Variants in NBPF3 observed in about 807,000 individuals in gnomAD.
NBPF3 encodes the protein NBPF member 3.
In NBPF3, 57 loss-of-function variants were observed where a neutral mutation model predicts 78.1. The ratio of observed to expected loss-of-function variants is 0.73; its 90% CI spans 0.59 to 0.91. The LOEUF is 0.91. Ranked by LOEUF, NBPF3 falls within the 40% of genes least tolerant of loss-of-function variation. The pLI is 0.00. For missense variants in NBPF3, 510 were observed against 715.3 expected (o/e 0.71, Z 3.27); for synonymous variants, 182 against 271.7 (o/e 0.67, Z 3.25).
At chr1:21,461,537 T>C (rs2147952322) in intron 2 of NBPF3, among the ~76,000 whole-genome samples, 3 of 152,314 alleles carry the variant, frequency 2.0e-5, no homozygotes, top group African/African-American at 7.2e-5. Context: ...AGTGGCACGA[T>C]CTCGGCTCTG....
intron 2 of NBPF3, among the ~76,000 whole-genome samples, chr1:21,451,242 A>G (rs1001476805): frequency 1.3e-5 from 2 of 152,224 alleles, no homozygotes; most frequent in African/African-American, 4.8e-5. Flanking sequence ...AGATACTTGA[A>G]TGTTTCCAGT....
intron 9 of NBPF3, among the ~76,000 whole-genome samples, chr1:21,478,838 C>A (rs1292355763): frequency 2.0e-5 from 3 of 152,162 alleles, no homozygotes; most frequent in African/African-American, 4.8e-5. Context: ...CATCATCTTG[C>A]TGGTATGTTT....
chr1:21,447,486 C>T (rs527419061), intron 2 of NBPF3, among the ~76,000 whole-genome samples: 2 of 152,308 alleles, frequency 1.3e-5, no homozygotes, highest in African/African-American at 4.8e-5. Context: ...CCAAGAATGT[C>T]CTAGAGTTGG....
intron 2 of NBPF3, among the ~76,000 whole-genome samples, chr1:21,456,981 T>C (rs1268858181): frequency 5.3e-5 from 8 of 152,226 alleles, no homozygotes; most frequent in Non-Finnish European, 1.2e-4. Flanking sequence ...TCTGCAAAAA[T>C]CTGCCAAAGC....
chr1:21,481,775 T>A lies in NBPF3; in HGVS notation c.1606+6T>A, dbSNP rs148729029. On this transcript the variant is annotated splice_donor_region_variant and intron_variant, in intron 13 of 14. Transcript: ENST00000318249. ...CTTTTCTCTTGACGTGGATGGTGAGTACCTTTCTATGAGGGTGATAAGGAT... is the reference window on the plus strand; with the variant it reads ...CTTTTCTCTTGACGTGGATGGTGAGAACCTTTCTATGAGGGTGATAAGGAT... 997 of 795,646 alleles carry A rather than the reference T, an allele frequency of 1.3e-3. 14 individuals are homozygous for A. The African/African-American group carries it at 0.016, about 13-fold the overall frequency. The allele number at this position is 795,646 out of a possible 1,614,324, so 49.3% of individuals were successfully genotyped here. A position where few individuals can be genotyped will look rare whatever the true frequency, so the allele number is the denominator to read the frequency against.
chr1:21,452,885 G>T (rs547853324), intron 2 of NBPF3, among the ~76,000 whole-genome samples: 18 of 152,354 alleles, frequency 1.2e-4, no homozygotes, highest in African/African-American at 1.9e-4. Context: ...AGGAAGGCAT[G>T]AAATAAACTG....
rs759011996 is a variant in NBPF3, at chr1:21,484,095, G to T, written c.*709G>T. The T allele has an allele frequency of 1.2e-5, 1 of 81,230 alleles. No homozygotes were observed. Among genetic ancestry groups the T allele is most frequent in the Non-Finnish European group, 2.9e-5 (1 of 34,586 alleles). The allele number at this position is 81,230 out of a possible 1,614,324, so 5.0% of individuals were successfully genotyped here. A position where few individuals can be genotyped will look rare whatever the true frequency, so the allele number is the denominator to read the frequency against. ...CAGCATGTCACCTGGGACTCTGCCAGTGCAGAATATGAACAATGCCATGTT... is the reference window on the plus strand; with the variant it reads ...CAGCATGTCACCTGGGACTCTGCCATTGCAGAATATGAACAATGCCATGTT... On this transcript the variant is annotated 3_prime_UTR_variant, in exon 15 of 15. Transcript: ENST00000318249.
intron 3 of NBPF3, among the ~76,000 whole-genome samples, chr1:21,469,756 G>C (rs571236572): frequency 6.6e-6 from 1 of 152,288 alleles, no homozygotes; most frequent in East Asian, 1.9e-4. Context: ...TGAGAGGGAA[G>C]TCCTGCTTCC....
chr1:21,478,195 A>G lies in NBPF3; in HGVS notation c.1044A>G (p.Glu348=), dbSNP rs1642985874. The part of the protein sequence containing the change: ...EEEAPQESWD[E]GDWTLSIPPD... Reference sequence around the variant, plus strand: ...AAGCCCCCCAGGAGTCCTGGGATGAAGGTGATTGGACTCTCTCAATTCCTC... The same window carrying G: ...AAGCCCCCCAGGAGTCCTGGGATGAGGGTGATTGGACTCTCTCAATTCCTC... The change falls in exon 9 of 15, where the codon GAA becomes GAG. Residue 348 remains glutamate (E), a synonymous_variant. Coordinates refer to ENST00000318249, the MANE Select transcript of NBPF3 (RefSeq NM_032264.6). 1 of 1,614,014 alleles carries G rather than the reference A, an allele frequency of 6.2e-7. No individual in the cohort carries two copies. The highest frequency in any genetic ancestry group is 1.3e-5 in the African/African-American group (1 of 74,926).
chr1:21,471,804 G>C (rs781754732), intron 5 of NBPF3, 21 bp downstream of exon 5: 2 of 1,611,816 alleles, frequency 1.2e-6, no homozygotes, highest in East Asian at 4.5e-5. Flanking sequence ...CATAGGCCCT[G>C]ATGACCCAAA....
upstream of NBPF3, among the ~76,000 whole-genome samples, chr1:21,438,534 T>A (rs1640476343): frequency 6.6e-6 from 1 of 152,248 alleles, no homozygotes; most frequent in Non-Finnish European, 1.5e-5. Flanking sequence ...CTGTTCTATA[T>A]ATAGCACTTA....
chr1:21,449,246 GAA>G (rs1641161668), intron 2 of NBPF3, among the ~76,000 whole-genome samples: 1 of 152,116 alleles, frequency 6.6e-6, no homozygotes, highest in African/African-American at 2.4e-5. Flanking sequence ...GACAAGCAGA[GAA>G]GAGATTGCAT....
At chr1:21,472,104 G>C (rs868535137) in intron 5 of NBPF3, among the ~76,000 whole-genome samples, 1 of 152,174 alleles carries the variant, frequency 6.6e-6, no homozygotes, top group South Asian at 2.1e-4. Context: ...AAAGAGCTCT[G>C]GACTCAGAAG....
intron 2 of NBPF3, among the ~76,000 whole-genome samples, chr1:21,450,046 T>G (rs1641219426): frequency 6.6e-6 from 1 of 152,196 alleles, no homozygotes; most frequent in Non-Finnish European, 1.5e-5. Context: ...TTGCTGCCAA[T>G]TATCACATTA....
chr1:21,468,313 C>T (rs1642389379), intron 2 of NBPF3: 4 of 873,946 alleles, frequency 4.6e-6, no homozygotes, highest in Non-Finnish European at 5.9e-6. Flanking sequence ...GAGGAATGAT[C>T]CCCATTGGTG....
At chr1:21,443,105 G>A (rs1027251835) in intron 1 of NBPF3, among the ~76,000 whole-genome samples, 1 of 152,102 alleles carries the variant, frequency 6.6e-6, no homozygotes, top group Non-Finnish European at 1.5e-5. Flanking sequence ...AAATTAGTGT[G>A]GGTCTGTTTC....
At chr1:21,441,724 AAGTAAT>A (rs1447889541) in intron 1 of NBPF3, among the ~76,000 whole-genome samples, 42 of 150,716 alleles carry the variant, frequency 2.8e-4, no homozygotes, top group Admixed American at 6.6e-4. Context: ...AAAAAAAAAA[AAGTAAT>A]GAATTTTGAC....
At chr1:21,455,561 A>G (rs1488935056) in intron 2 of NBPF3, among the ~76,000 whole-genome samples, 2 of 152,262 alleles carry the variant, frequency 1.3e-5, no homozygotes, top group Admixed American at 1.3e-4. Flanking sequence ...GGGAAGCCCC[A>G]TGATTTCCTA....
chr1:21,442,946 G>A (rs1289152130), intron 1 of NBPF3, among the ~76,000 whole-genome samples: 2 of 152,152 alleles, frequency 1.3e-5, no homozygotes, highest in Admixed American at 6.5e-5. Context: ...ACAGGTGTGA[G>A]CCACCCCACC....
Sources: allele counts gnomAD v4.1 joint callset (sites outside exome capture counted in the v4.1 genomes callset), GRCh38; gene constraint gnomAD v4.1.1; transcripts MANE v1.5; gene names NCBI Gene and HGNC (gene_info 2026-07-23, HGNC 2026-07-21).